Variants in PSD3 observed in about 807,000 individuals in gnomAD.
The protein encoded by PSD3 is PH and SEC7 domain-containing protein 3.
PSD3 carries 49 observed loss-of-function variants against 105.5 expected under a neutral mutation model. The observed-to-expected ratio is 0.46, with a 90% CI of 0.37 to 0.59. The LOEUF is 0.59. Among genes scored for constraint, PSD3 ranks in the 20% least tolerant of loss-of-function variants. PSD3 has a pLI of 0.00. For synonymous variants in PSD3, 557 were observed against 457.8 expected (o/e 1.22, Z -2.77); for missense variants, 1,561 against 1,263.8 (o/e 1.24, Z -3.57).
intron 1 of PSD3, among the ~76,000 whole-genome samples, chr8:19,037,050 T>A (rs540892311): frequency 2.6e-5 from 4 of 152,248 alleles, no homozygotes. Context: ...CTTGGGATCA[T>A]CCCATGTGAC....
chr8:18,550,864 T>C (rs1800724712), intron 15 of PSD3, among the ~76,000 whole-genome samples: 1 of 152,228 alleles, frequency 6.6e-6, no homozygotes, highest in Non-Finnish European at 1.5e-5. Context: ...GATCCAGATG[T>C]ATAATCACCT....
chr8:18,657,566 T>C (rs1472336924), intron 9 of PSD3, among the ~76,000 whole-genome samples: 3 of 152,230 alleles, frequency 2.0e-5, no homozygotes, highest in African/African-American at 7.2e-5. Flanking sequence ...ATAAATTGCA[T>C]ATTTGTTTTG....
chr8:18,804,960 T>C lies in PSD3; in HGVS notation c.1635-62A>G, dbSNP rs533420111. The C allele has an allele frequency of 6.9e-6, 9 of 1,301,064 alleles. 1 individual carries two copies. The Admixed American group carries it at 1.7e-4, about 25-fold the overall frequency. The allele number at this position is 1,301,064 out of a possible 1,614,324, so 80.6% of individuals were successfully genotyped here. On this transcript the variant is annotated intron_variant, in intron 4 of 15. Coordinates refer to ENST00000327040, the MANE Select transcript of PSD3 (RefSeq NM_015310.4). ...TTCTTATATGGCAAAAAGGAAAATA[T>C]CTGATGAAATATTGATAGTTTTCTT... is the stretch of plus-strand genomic sequence containing the variant.
chr8:19,020,631 G>C (rs1410681264), intron 1 of PSD3, among the ~76,000 whole-genome samples: 2 of 151,996 alleles, frequency 1.3e-5, no homozygotes, highest in Non-Finnish European at 1.5e-5. Context: ...GAAGCAAGGA[G>C]GTAAATTAGG....
intron 1 of PSD3, among the ~76,000 whole-genome samples, chr8:19,062,735 G>A (rs1828946422): frequency 6.6e-6 from 1 of 152,112 alleles, no homozygotes; most frequent in East Asian, 1.9e-4. Context: ...CCACATTTTT[G>A]GGAAACGCTA....
At chr8:18,924,667 G>C (rs1821248588) in intron 2 of PSD3, 2 of 152,190 alleles carry the variant, frequency 1.3e-5, no homozygotes, top group Non-Finnish European at 2.9e-5. Context: ...ATGAGTAGGG[G>C]CTGAGCTGCC....
At chr8:18,668,799 T>C (rs773801406) in intron 9 of PSD3, among the ~76,000 whole-genome samples, 7 of 152,230 alleles carry the variant, frequency 4.6e-5, no homozygotes. Flanking sequence ...AGATAATCAG[T>C]AATAAATTTT....
At chr8:18,891,253 G>A (rs1818764249) in intron 2 of PSD3, among the ~76,000 whole-genome samples, 1 of 152,210 alleles carries the variant, frequency 6.6e-6, no homozygotes, top group East Asian at 1.9e-4. Flanking sequence ...AAATTTTTAG[G>A]ATGGATGAAA....
At chr8:18,644,715 C>A (rs752956291) in intron 10 of PSD3, among the ~76,000 whole-genome samples, 60 of 152,310 alleles carry the variant, frequency 3.9e-4, no homozygotes, top group Middle Eastern at 3.4e-3. Flanking sequence ...GTCCCAGCTT[C>A]TGTGGATTAC....
intron 1 of PSD3, among the ~76,000 whole-genome samples, chr8:19,008,103 C>T (rs1455487223): frequency 6.6e-6 from 1 of 152,200 alleles, no homozygotes; most frequent in African/African-American, 2.4e-5. Context: ...CTCGGGCTCC[C>T]AAAGTGCTGG....
chr8:19,012,300 T>C (rs565989192), intron 1 of PSD3, among the ~76,000 whole-genome samples: 3 of 152,372 alleles, frequency 2.0e-5, no homozygotes, highest in Middle Eastern at 6.8e-3. Context: ...CTAATTTATT[T>C]TGCATTTGCT....
At chr8:18,973,379 A>AGCAT (rs1824758054) in intron 1 of PSD3, among the ~76,000 whole-genome samples, 1 of 152,226 alleles carries the variant, frequency 6.6e-6, no homozygotes, top group Admixed American at 6.5e-5. Context: ...GAAGTCCAAG[A>AGCAT]GCATGGTGCC....
intron 8 of PSD3, among the ~76,000 whole-genome samples, chr8:18,775,544 TA>T (rs1228254024): frequency 6.6e-6 from 1 of 152,224 alleles, no homozygotes; most frequent in Non-Finnish European, 1.5e-5. Context: ...TTAACTCGGG[TA>T]AAATGATATC....
chr8:18,601,683 A>G (rs1375565353), intron 11 of PSD3, among the ~76,000 whole-genome samples: 1 of 152,234 alleles, frequency 6.6e-6, no homozygotes, highest in Non-Finnish European at 1.5e-5. Context: ...TACTAAAAAT[A>G]CATATAACCA....
At chr8:19,071,516 G>C (rs1829261647) in intron 1 of PSD3, among the ~76,000 whole-genome samples, 1 of 152,150 alleles carries the variant, frequency 6.6e-6, no homozygotes, top group Non-Finnish European at 1.5e-5. Context: ...AAGAGAAACG[G>C]GAAGGCTGTT....
chr8:19,033,301 C>T (rs930775987), intron 1 of PSD3, among the ~76,000 whole-genome samples: 7 of 152,118 alleles, frequency 4.6e-5, no homozygotes, highest in Non-Finnish European at 1.0e-4. Flanking sequence ...ACATACCGGA[C>T]ATACTAGTTT....
Position 18,535,650 on chromosome 8 carries a change from T to TC in PSD3, c.*92_*93insG. ...ACTAATGCACCGTTTTGTCACAGAC[T>TC]TTTTTTTTTTAAATATATTCACGGA... is the stretch of plus-strand genomic sequence containing the variant. On this transcript the variant is annotated 3_prime_UTR_variant, in exon 16 of 16. Coordinates refer to ENST00000327040, the MANE Select transcript of PSD3 (RefSeq NM_015310.4). 1 of 841,996 alleles carries TC rather than the reference T, an allele frequency of 1.2e-6. No homozygotes were observed. The highest frequency in any genetic ancestry group is 1.7e-6 in the Non-Finnish European group (1 of 601,294). 52.2% of individuals were successfully genotyped at this position (841,996 alleles called of 1,614,324 possible).
intron 9 of PSD3, among the ~76,000 whole-genome samples, chr8:18,669,970 A>T (rs1799686205): frequency 6.6e-6 from 1 of 152,236 alleles, no homozygotes; most frequent in African/African-American, 2.4e-5. Context: ...AGTGGTGAAC[A>T]ACAGACACAG....
intron 10 of PSD3, among the ~76,000 whole-genome samples, chr8:18,638,664 A>G (rs1807439424): frequency 6.6e-6 from 1 of 152,200 alleles, no homozygotes; most frequent in Non-Finnish European, 1.5e-5. Context: ...ATGTTAATGA[A>G]CTGGAAGAAT....
Sources: gnomAD v4.1 joint callset for allele counts (sites outside exome capture counted in the v4.1 genomes callset) on GRCh38, gnomAD v4.1.1 for gene constraint, MANE v1.5 for transcripts, NCBI Gene and HGNC (gene_info 2026-07-23, HGNC 2026-07-21) for gene names.